STK39: variants seen among roughly 807,000 people sequenced by gnomAD.
STK39 encodes serine/threonine kinase 39.
In STK39, 20 loss-of-function variants were observed where a neutral mutation model predicts 77.8. That is an observed-to-expected ratio of 0.26 (90% CI 0.18 to 0.37). STK39 has a LOEUF of 0.37. STK39 is among the 10% of genes least tolerant of loss of function. STK39 has a pLI of 1.00. For synonymous variants in STK39, 246 were observed against 234.1 expected, an observed-to-expected ratio of 1.05 and a Z score of -0.47; for missense variants, 479 against 656.5, an observed-to-expected ratio of 0.73 and a Z score of 2.95.
chr2:168,150,746 C>A (rs780476927), intron 5 of STK39, among the ~76,000 whole-genome samples: 9 of 151,758 alleles, frequency 5.9e-5, no homozygotes, highest in African/African-American at 2.2e-4. Flanking sequence ...AGAGTGATAA[C>A]CTTGAATCTG....
chr2:168,192,829 C>G (rs1392075472), intron 1 of STK39, among the ~76,000 whole-genome samples: 1 of 152,108 alleles, frequency 6.6e-6, no homozygotes, highest in Admixed American at 6.6e-5. Flanking sequence ...AAACTAGAAC[C>G]AGGTCCACTA....
chr2:167,996,696 T>C (rs928907075), intron 16 of STK39, among the ~76,000 whole-genome samples: 7 of 152,248 alleles, frequency 4.6e-5, no homozygotes, highest in Admixed American at 3.3e-4. Context: ...TGCTCTTCCA[T>C]GGGAAAGAAG....
intron 14 of STK39, among the ~76,000 whole-genome samples, chr2:168,051,691 G>T (rs572762008): frequency 6.6e-6 from 1 of 152,082 alleles, no homozygotes; most frequent in African/African-American, 2.4e-5. Flanking sequence ...AGGCTCAAGC[G>T]ATCCTCCTGC....
intron 10 of STK39, among the ~76,000 whole-genome samples, chr2:168,126,108 C>T (rs1687534238): frequency 6.6e-6 from 1 of 152,164 alleles, no homozygotes; most frequent in East Asian, 1.9e-4. Context: ...ACATGGTTGC[C>T]TCCATGCCCA....
chr2:167,977,019 G>A (rs1292940200), intron 16 of STK39, among the ~76,000 whole-genome samples: 1 of 152,096 alleles, frequency 6.6e-6, no homozygotes, highest in Admixed American at 6.5e-5. Flanking sequence ...TTGAGTATTA[G>A]TATTATTTAC....
intron 14 of STK39, among the ~76,000 whole-genome samples, chr2:168,037,443 C>T (rs1684985829): frequency 6.6e-6 from 1 of 152,138 alleles, no homozygotes; most frequent in Non-Finnish European, 1.5e-5. Context: ...AATAATTCAA[C>T]ATCAATGATC....
At chr2:167,983,480 G>GGAAGGAAGGAAGGAAGGAAT (rs1683482294) in intron 16 of STK39, among the ~76,000 whole-genome samples, 1 of 3,184 alleles carries the variant, frequency 3.1e-4, no homozygotes, top group African/African-American at 5.6e-4. Flanking sequence ...AGAAATGAAA[G>GGAAGGAAGGAAGGAAGGAAT]GAAGGAAGGA....
intron 1 of STK39, among the ~76,000 whole-genome samples, chr2:168,185,085 C>A (rs746718996): frequency 2.6e-5 from 4 of 152,162 alleles, no homozygotes; most frequent in African/African-American, 4.8e-5. Flanking sequence ...AAAATAAGAG[C>A]AATTACTATG....
intron 17 of STK39, among the ~76,000 whole-genome samples, chr2:167,961,732 G>A (rs1194304099): frequency 2.6e-5 from 4 of 152,184 alleles, no homozygotes; most frequent in Non-Finnish European, 5.9e-5. Flanking sequence ...TATCTTCCCT[G>A]TGGAATGCTT....
intron 5 of STK39, among the ~76,000 whole-genome samples, chr2:168,160,109 G>A (rs537367004): frequency 8.7e-4 from 133 of 152,318 alleles, no homozygotes; most frequent in African/African-American, 3.0e-3. Context: ...TCATTAATCT[G>A]ACAAGAATAA....
rs971911218 is a variant in STK39 at position 167,954,362 on chromosome 2, T to C, written c.*1134A>G. 6.6e-6 allele frequency: 1 copy of C among 152,608 alleles called. No homozygotes were observed. The highest frequency in any genetic ancestry group is 1.9e-4 in the East Asian group (1 of 5,200). 9.5% of individuals were successfully genotyped at this position (152,608 alleles called of 1,614,324 possible). On this transcript the variant is annotated 3_prime_UTR_variant, in exon 18 of 18. Transcript: ENST00000355999. ...ACAGTCAAGCAGAGGGCTACTTGGG[T>C]TGAAAGTATTGATTCTTGAACCTTA...
chr2:168,036,607 A>G (rs955207861), intron 14 of STK39, among the ~76,000 whole-genome samples: 3 of 152,246 alleles, frequency 2.0e-5, no homozygotes, highest in Admixed American at 6.5e-5. Flanking sequence ...AAGGCAACAC[A>G]GAGCTTCAGA....
At chr2:168,061,741 T>A (rs560457330) in intron 14 of STK39, among the ~76,000 whole-genome samples, 1 of 152,328 alleles carries the variant, frequency 6.6e-6, no homozygotes, top group South Asian at 2.1e-4. Flanking sequence ...TATAGTATTT[T>A]GTCTAAGAAA....
chr2:168,114,754 G>A (rs1050485654), intron 10 of STK39, among the ~76,000 whole-genome samples: 10 of 152,048 alleles, frequency 6.6e-5, no homozygotes, highest in African/African-American at 1.4e-4. Context: ...ACCTGGCACC[G>A]CATGAATGGC....
chr2:168,118,079 C>A (rs1348375509), intron 10 of STK39, among the ~76,000 whole-genome samples: 1 of 151,978 alleles, frequency 6.6e-6, no homozygotes, highest in Admixed American at 6.6e-5. Flanking sequence ...TGAATAAAGG[C>A]CACCTACCGT....
intron 2 of STK39, among the ~76,000 whole-genome samples, chr2:168,179,490 C>G (rs1689031739): frequency 6.6e-6 from 1 of 151,270 alleles, no homozygotes; most frequent in Non-Finnish European, 1.5e-5. Flanking sequence ...ACCAAAAGGT[C>G]AAAGATTCAA....
intron 1 of STK39, among the ~76,000 whole-genome samples, chr2:168,230,498 G>A (rs1320848157): frequency 1.3e-5 from 2 of 152,206 alleles, no homozygotes; most frequent in East Asian, 3.9e-4. Flanking sequence ...CAGCCAAGCT[G>A]ACCATGGGTC....
At chr2:168,067,013 A>G (rs1685813879) in intron 12 of STK39, among the ~76,000 whole-genome samples, 1 of 152,192 alleles carries the variant, frequency 6.6e-6, no homozygotes, top group Non-Finnish European at 1.5e-5. Flanking sequence ...CTTGAGGCCA[A>G]GAGTTCGAGG....
At chr2:168,226,980 G>A (rs61031474) in intron 1 of STK39, among the ~76,000 whole-genome samples, 12,384 of 152,164 alleles carry the variant, frequency 0.081, 852 homozygotes, top group East Asian at 0.2. Context: ...TTTAAAGGAG[G>A]TGGATCTCTG....
Sources: gnomAD v4.1 joint callset for allele counts (sites outside exome capture counted in the v4.1 genomes callset) on GRCh38, gnomAD v4.1.1 for gene constraint, MANE v1.5 for transcripts, NCBI Gene and HGNC (gene_info 2026-07-23, HGNC 2026-07-21) for gene names.